APC: variants seen among roughly 807,000 people sequenced by gnomAD.
APC encodes APC regulator of Wnt signaling pathway, also known as adenomatous polyposis coli protein.
In APC, 72 loss-of-function variants were observed where a neutral mutation model predicts 247.0. The ratio of observed to expected loss-of-function variants is 0.29; its 90% CI spans 0.24 to 0.35. APC has a LOEUF of 0.35. Ranked by LOEUF, APC falls within the 10% of genes least tolerant of loss-of-function variation. The probability of loss-of-function intolerance (pLI) is 1.00; values close to 1 mark genes in which losing one functional copy is unlikely to be tolerated. For synonymous variants in APC, 1,254 were observed against 1,162.5 expected (o/e 1.08, Z -1.60); for missense variants, 3,400 against 3,360.7 (o/e 1.01, Z -0.29).
At chr5:112,822,012 A>G (rs1580543039) in intron 11 of APC, 21 bp downstream of exon 11, 1 of 1,465,708 alleles carries the variant, frequency 6.8e-7, no homozygotes, top group East Asian at 2.3e-5. Flanking sequence ...AATGTTTTTT[A>G]ATGACATAGA....
intron 1 of APC, among the ~76,000 whole-genome samples, chr5:112,747,331 A>G (rs1015855919): frequency 2.0e-4 from 31 of 152,232 alleles, no homozygotes; most frequent in African/African-American, 7.5e-4. Flanking sequence ...GCCTCTCTCA[A>G]ATTAATATAA....
intron 6 of APC, among the ~76,000 whole-genome samples, chr5:112,787,106 T>C (rs1319104325): frequency 1.3e-5 from 2 of 152,292 alleles, no homozygotes; most frequent in East Asian, 3.9e-4. Flanking sequence ...CAGTCTGGCC[T>C]CGAACTCCTG....
chr5:112,771,602 C>T (rs565662715), intron 4 of APC, among the ~76,000 whole-genome samples: 15 of 152,066 alleles, frequency 9.9e-5, no homozygotes, highest in Non-Finnish European at 1.8e-4. Flanking sequence ...AATTTGATAC[C>T]AGTCTGAATC....
chr5:112,739,363 A>G (rs899309072), intron 1 of APC, among the ~76,000 whole-genome samples: 1 of 152,212 alleles, frequency 6.6e-6, no homozygotes, highest in African/African-American at 2.4e-5. Flanking sequence ...AGGGTCAGTG[A>G]CAGTGTCTCT....
rs149347068 is a variant in APC, at chr5:112,843,637, G to T, written c.8043G>T (p.Pro2681=). The T allele has an allele frequency of 6.2e-7, 1 of 1,613,768 alleles. No homozygotes were observed. The highest frequency in any genetic ancestry group is 8.5e-7 in the Non-Finnish European group (1 of 1,179,752). The change falls in exon 16 of 16, where the codon CCG becomes CCT. Residue 2681 remains proline, a synonymous_variant. Coordinates refer to ENST00000257430, the MANE Select transcript of APC (RefSeq NM_000038.6). The surrounding 1 kb of genome is among the most constrained non-coding windows in gnomAD (Gnocchi z 4.8). The part of the protein sequence containing the change: ...SGRSPTGNTP[P]VIDSVSEKAN... ...GATCTCCCACAGGTAATACTCCCCC[G>T]GTGATTGACAGTGTTTCAGAAAAGG...
At chr5:112,778,088 A>G (rs1428673546) in intron 5 of APC, 6 of 208,000 alleles carry the variant, frequency 2.9e-5, no homozygotes, top group African/African-American at 1.2e-4. Context: ...AGTCTAGTAC[A>G]TTTTCCATCA....
At position 112,777,324 on chromosome 5, in the gene APC, A is replaced by G. The variant is rs765041178; in HGVS notation, c.531+1587A>G. On this transcript the variant is annotated intron_variant, in intron 5 of 15. Transcript: ENST00000257430. ...AAGAAACCCAGAATGGTCCTTAGGC[A>G]TATGAGAACAGAAGTTCTGATTGAG... is the stretch of plus-strand genomic sequence containing the variant. Among the ~76,000 whole-genome samples the G allele has an allele frequency of 2.6e-5, 4 of 152,320 alleles. No individual in the cohort carries two copies. The South Asian group carries it at 6.2e-4, about 24-fold the overall frequency.
intron 8 of APC, among the ~76,000 whole-genome samples, chr5:112,812,748 G>A (rs1458381854): frequency 6.6e-6 from 1 of 152,208 alleles, no homozygotes; most frequent in Non-Finnish European, 1.5e-5. Context: ...TGTGTGTGTA[G>A]TGTGGGTGAG....
intron 11 of APC, among the ~76,000 whole-genome samples, chr5:112,825,822 C>T (rs1270278001): frequency 6.6e-6 from 1 of 152,206 alleles, no homozygotes; most frequent in African/African-American, 2.4e-5. Flanking sequence ...TTATATCACC[C>T]TGTGGTTCTA....
At chr5:112,758,543 T>G (rs889041626) in intron 2 of APC, among the ~76,000 whole-genome samples, 1 of 152,062 alleles carries the variant, frequency 6.6e-6, no homozygotes, top group Non-Finnish European at 1.5e-5. Context: ...GCTAGGCTGG[T>G]CTCGAACTCC....
intron 14 of APC, among the ~76,000 whole-genome samples, chr5:112,833,037 T>TTTTTGC (rs199628021): frequency 2.2e-4 from 33 of 151,812 alleles, no homozygotes; most frequent in Non-Finnish European, 3.1e-4. Flanking sequence ...GGGTTTTTTT[T>TTTTTGC]TTTTGCTTTT....
intron 11 of APC, chr5:112,823,294 C>G (rs1763323763): frequency 6.6e-6 from 1 of 152,620 alleles, no homozygotes; most frequent in African/African-American, 2.4e-5. Context: ...ATTTGTTCCT[C>G]TTCCTTCTTC....
At chr5:112,797,441 A>G (rs2909962) in intron 7 of APC, among the ~76,000 whole-genome samples, 18,343 of 152,138 alleles carry the variant, frequency 0.12, 1,224 homozygotes, top group African/African-American at 0.18. Flanking sequence ...CATGAAGCAT[A>G]TTTCTTATAG....
At chr5:112,730,144 A>G (rs1442627773) in intron 1 of APC, among the ~76,000 whole-genome samples, 2 of 152,248 alleles carry the variant, frequency 1.3e-5, no homozygotes, top group Non-Finnish European at 2.9e-5. Context: ...GATTCATTGT[A>G]GATTCTAAAA....
chr5:112,808,023 C>T (rs1244696874), intron 8 of APC, among the ~76,000 whole-genome samples: 2 of 151,988 alleles, frequency 1.3e-5, no homozygotes, highest in Non-Finnish European at 2.9e-5. Context: ...GATGTGGTGG[C>T]GCACACGTGT....
intron 1 of APC, among the ~76,000 whole-genome samples, chr5:112,741,586 TTAA>T (rs1430417619): frequency 3.3e-5 from 5 of 152,200 alleles, no homozygotes; most frequent in Admixed American, 1.3e-4. Context: ...TTTTTTACAG[TTAA>T]TGAGATTTTT....
At chr5:112,750,816 A>G (rs17287041) in intron 1 of APC, among the ~76,000 whole-genome samples, 1 of 152,128 alleles carries the variant, frequency 6.6e-6, no homozygotes, top group Non-Finnish European at 1.5e-5. Flanking sequence ...AAAAAAATAA[A>G]AGTCTGCTCT....
rs2149992829 is a variant in APC, at chr5:112,843,326, T to G, written c.7732T>G (p.Ser2578Ala). Reference sequence around the variant, plus strand: ...TTCATCTTCAATTCTTTCTGCTTCATCAGAATCCAGTGAAAAAGCAAAAAG... The same window carrying G: ...TTCATCTTCAATTCTTTCTGCTTCAGCAGAATCCAGTGAAAAAGCAAAAAG... Reference protein sequence around the residue: ...GSSSSILSASSESSEKAKSED... With the variant: ...GSSSSILSASAESSEKAKSED... Residue 2578 changes from serine (S) to alanine (A), a missense_variant, in exon 16 of 16, where the codon TCA becomes GCA. Around this residue, in one of 9 missense-constraint regions of APC, gnomAD observed 1,788 missense variants for 1,649.5 expected, o/e 1.08. Transcript: ENST00000257430. This position sits in a 1 kb window ranked among gnomAD's most constrained non-coding sequence, Gnocchi z 4.8. 2 of 1,613,842 alleles carry G rather than the reference T, an allele frequency of 1.2e-6. No homozygotes were observed. Among genetic ancestry groups the G allele is most frequent in the Non-Finnish European group, 8.5e-7 (1 of 1,179,804 alleles).
chr5:112,831,074 T>G (rs1218599621), intron 14 of APC, among the ~76,000 whole-genome samples: 2 of 152,196 alleles, frequency 1.3e-5, no homozygotes, highest in African/African-American at 2.4e-5. Context: ...AACTGGTTCA[T>G]GACTTAATTC....
Sources: gnomAD v4.1 joint callset for allele counts (sites outside exome capture counted in the v4.1 genomes callset) on GRCh38, gnomAD v4.1.1 for gene constraint, gnomAD v4.1.1 regional missense constraint, Gnocchi (gnomAD v3.1) non-coding constraint, MANE v1.5 for transcripts, NCBI Gene and HGNC (gene_info 2026-07-23, HGNC 2026-07-21) for gene names.